TBPL2: variants seen among roughly 807,000 people sequenced by gnomAD.
The protein encoded by TBPL2 is TATA-box binding protein like 2.
Under a neutral mutation model 38.2 loss-of-function variants are expected in TBPL2, and 40 were observed. That is an observed-to-expected ratio of 1.05 (90% CI 0.81 to 1.36). The LOEUF is 1.36. Ranked by LOEUF, TBPL2 falls within the 40% of genes most tolerant of loss-of-function variation. The pLI is 0.00. For missense variants in TBPL2, 461 were observed against 456.7 expected, an observed-to-expected ratio of 1.01 and a Z score of -0.09; for synonymous variants, 169 against 171.7, an observed-to-expected ratio of 0.98 and a Z score of 0.12.
chr14:55,438,513 C>A (rs7145182), intron 1 of TBPL2, among the ~76,000 whole-genome samples: 8 of 151,376 alleles, frequency 5.3e-5, no homozygotes, highest in Non-Finnish European at 1.0e-4. Flanking sequence ...GGGTCTCCTC[C>A]CGCAATTTAC....
intron 3 of TBPL2, 137 bp from the exon 4 acceptor site, chr14:55,433,858 T>A (rs2140177925): frequency 1.6e-6 from 1 of 633,360 alleles, no homozygotes; most frequent in East Asian, 2.7e-5. Context: ...CTCCCTACAT[T>A]AAGGTTAACA....
chr14:55,426,921 G>T (rs780820826), intron 5 of TBPL2, among the ~76,000 whole-genome samples: 28 of 151,084 alleles, frequency 1.9e-4, no homozygotes, highest in Non-Finnish European at 1.9e-4. Context: ...AAAAAGAAAT[G>T]AATGGACACT....
chr14:55,433,567 T>C lies in TBPL2; in HGVS notation c.788+63A>G. ...TATGTGCTTTAGCACATTAATTCTA[T>C]GCTTCCTTGTTTTACATACTAAATT... On this transcript the variant is annotated intron_variant, in intron 4 of 6. Coordinates refer to ENST00000247219, the Ensembl canonical transcript of TBPL2. 4.1e-6 allele frequency: 6 copies of C among 1,480,044 alleles called. 1 individual carries two copies. The Admixed American group carries it at 1.1e-4, about 26-fold the overall frequency. The allele number at this position is 1,480,044 out of a possible 1,614,324, so 91.7% of individuals were successfully genotyped here. A position where few individuals can be genotyped will look rare whatever the true frequency, so the allele number is the denominator to read the frequency against.
chr14:55,436,528 A>G, intron 2 of TBPL2, 33 bp downstream of exon 2: 1 of 1,569,482 alleles, frequency 6.4e-7, no homozygotes, highest in Non-Finnish European at 8.8e-7. Context: ...TGTGTACCCA[A>G]TGTGCTCAAT....
intron 4 of TBPL2, among the ~76,000 whole-genome samples, chr14:55,429,796 A>G (rs557693581): frequency 6.3e-4 from 95 of 151,002 alleles, no homozygotes; most frequent in African/African-American, 2.1e-3. Context: ...AAAAGAAAAC[A>G]ACAAGAAAAA....
intron 4 of TBPL2, 109 bp downstream of exon 4, chr14:55,433,521 A>G: frequency 3.9e-6 from 4 of 1,021,188 alleles, no homozygotes; most frequent in Non-Finnish European, 5.9e-6. Flanking sequence ...TCTTCAGCAA[A>G]GAAAGGCATT....
In TBPL2 at chr14:55,416,327, C is replaced by T. The variant is rs534383680; in HGVS notation, c.1052-1872G>A. ...AGAAATAAGGGCAGGCATGGTGGCT[C>T]ACACCTGTAATTCCAGCACTTTGGG... On this transcript the variant is annotated intron_variant, in intron 6 of 6. Transcript: ENST00000247219. Among the ~76,000 whole-genome samples the T allele has an allele frequency of 2.1e-4, 32 of 152,190 alleles. 2 individuals carry two copies. In the South Asian group the frequency reaches 6.0e-3, roughly 29 times the overall value.
chr14:55,433,816 T>C (rs1320368628), intron 3 of TBPL2, 95 bp from the exon 4 acceptor site: 29 of 1,083,610 alleles, frequency 2.7e-5, no homozygotes, highest in Middle Eastern at 2.1e-4. Context: ...CTCAAACAGA[T>C]TGGATGGGAA....
chr14:55,429,151 G>T (rs1001526020), intron 4 of TBPL2, among the ~76,000 whole-genome samples, 177 bp from the exon 5 acceptor site: 1 of 152,084 alleles, frequency 6.6e-6, no homozygotes, highest in African/African-American at 2.4e-5. Context: ...CCTTATAAAA[G>T]GTCTTGTAAA....
intron 5 of TBPL2, among the ~76,000 whole-genome samples, chr14:55,425,855 T>C (rs1200244380): frequency 1.3e-5 from 2 of 152,214 alleles, no homozygotes; most frequent in Non-Finnish European, 2.9e-5. Context: ...GTGATCTCTA[T>C]GTGGGCAAGG....
intron 6 of TBPL2, among the ~76,000 whole-genome samples, chr14:55,422,084 A>C (rs1885753443): frequency 6.6e-6 from 1 of 152,218 alleles, no homozygotes; most frequent in Admixed American, 6.5e-5. Context: ...TAGGATTATA[A>C]TAGGATAAAC....
chr14:55,420,992 C>T (rs1005647722), intron 6 of TBPL2, among the ~76,000 whole-genome samples: 2 of 139,794 alleles, frequency 1.4e-5, no homozygotes, highest in African/African-American at 5.2e-5. Flanking sequence ...ACCCGGGAGG[C>T]GGAGGTTGCA....
rs143276691 is a variant in TBPL2, at chr14:55,440,420, G to C, written c.126C>G (p.Leu42=). ...CCTGAGCGGCGCACTGGTCCAGGTAGAGCTCCAGGTAGGTCTCCTCCTGCT... is the reference window on the plus strand; with the variant it reads ...CCTGAGCGGCGCACTGGTCCAGGTACAGCTCCAGGTAGGTCTCCTCCTGCT... The change falls in exon 1 of 7, where the codon CTC becomes CTG. Residue 42 remains leucine (L), a synonymous_variant. Coordinates refer to ENST00000247219, the Ensembl canonical transcript of TBPL2. The C allele has an allele frequency of 8.7e-6, 14 of 1,612,974 alleles. No individual in the cohort carries two copies. The African/African-American group carries it at 1.7e-4, about 20-fold the overall frequency.
exon 2 of TBPL2, chr14:55,436,786 T>C (rs752942331): frequency 3.9e-5 from 63 of 1,614,112 alleles, no homozygotes; most frequent in Admixed American, 5.0e-5. Context: ...TTGTGGACTT[T>C]GGCTTTCAGA....
intron 4 of TBPL2, among the ~76,000 whole-genome samples, chr14:55,430,264 T>G (rs2140174619): frequency 6.6e-6 from 1 of 152,262 alleles, no homozygotes; most frequent in Non-Finnish European, 1.5e-5. Flanking sequence ...AAAGCCAGTT[T>G]GAACTTGTTT....
At chr14:55,440,349 C>T (rs774297936) in intron 1 of TBPL2, 47 bp downstream of exon 1, 4 of 1,609,408 alleles carry the variant, frequency 2.5e-6, no homozygotes, top group Non-Finnish European at 3.4e-6. Context: ...GGCACAGGAC[C>T]GGGCGGGACT....
chr14:55,422,031 T>C (rs72717772), intron 6 of TBPL2, among the ~76,000 whole-genome samples: 1 of 152,262 alleles, frequency 6.6e-6, no homozygotes, highest in Non-Finnish European at 1.5e-5. Flanking sequence ...TTGGCCTTAT[T>C]AGATATACCA....
At chr14:55,421,599 G>A (rs1295106144) in intron 6 of TBPL2, among the ~76,000 whole-genome samples, 4 of 152,138 alleles carry the variant, frequency 2.6e-5, no homozygotes, top group African/African-American at 9.7e-5. Flanking sequence ...AAGTAGCTGG[G>A]GTCACAGGTG....
At chr14:55,435,021 A>G (rs1885990648) in intron 3 of TBPL2, among the ~76,000 whole-genome samples, 3 of 152,178 alleles carry the variant, frequency 2.0e-5, no homozygotes. Flanking sequence ...TGAAAACAGG[A>G]TGCCTGGCCT....
Sources: gnomAD v4.1 joint callset for allele counts (sites outside exome capture counted in the v4.1 genomes callset) on GRCh38, gnomAD v4.1.1 for gene constraint, MANE v1.5 for transcripts, NCBI Gene and HGNC (gene_info 2026-07-23, HGNC 2026-07-21) for gene names.